Variants in AGBL3 observed in about 807,000 individuals in gnomAD.
AGBL3 encodes cytosolic carboxypeptidase 3.
AGBL3 carries 68 observed loss-of-function variants against 94.5 expected under a neutral mutation model. The observed-to-expected ratio is 0.72, with a 90% CI of 0.59 to 0.88. AGBL3 has a LOEUF of 0.88. Among genes scored for constraint, AGBL3 ranks in the 40% least tolerant of loss-of-function variants. The pLI, the probability that AGBL3 is intolerant of heterozygous loss-of-function variation, is 0.00. For synonymous variants in AGBL3, 354 were observed against 370.7 expected (o/e 0.95, Z 0.52); for missense variants, 934 against 1,103.8 (o/e 0.85, Z 2.18).
intron 4 of AGBL3, chr7:135,010,183 C>G (rs1474254905): frequency 3.0e-6 from 1 of 338,420 alleles, no homozygotes; most frequent in African/African-American, 2.3e-5. Flanking sequence ...CGCGTGCCAC[C>G]ACGCTCAGCT....
In AGBL3 at chr7:135,072,602, A is replaced by G. The variant is rs1318840468; in HGVS notation, c.1909-3795A>G. Among the ~76,000 whole-genome samples, 5 of 152,184 alleles carry G rather than the reference A, an allele frequency of 3.3e-5. No homozygotes were observed. In the East Asian group the frequency reaches 7.7e-4, roughly 23 times the overall value. Reference sequence around the variant, plus strand: ...TGCAGCCATAAAAAATGATAAGTTCATGTCCTTTGTAGGGACATGGATGAA... The same window carrying G: ...TGCAGCCATAAAAAATGATAAGTTCGTGTCCTTTGTAGGGACATGGATGAA... On this transcript the variant is annotated intron_variant, in intron 12 of 16. Coordinates refer to ENST00000436302, the MANE Select transcript of AGBL3 (RefSeq NM_178563.4).
intron 15 of AGBL3, among the ~76,000 whole-genome samples, chr7:135,094,820 G>C (rs1202969656): frequency 6.6e-6 from 1 of 152,168 alleles, no homozygotes; most frequent in Non-Finnish European, 1.5e-5. Flanking sequence ...TAAGTTGTTT[G>C]TCAGATTTTT....
rs148821705 is a variant in AGBL3, at chr7:135,109,606, C to T, written c.2111-5774C>T. On this transcript the variant is annotated intron_variant, in intron 15 of 16. Transcript: ENST00000436302. ...GTGAAACAGCAAAGATGGTGGCCCA[C>T]CCCTCCCTCTGGGAGCTCTGTCCCA... Among the ~76,000 whole-genome samples, 791 of 152,286 alleles carry T rather than the reference C, an allele frequency of 5.2e-3. 7 individuals carry two copies. Among genetic ancestry groups the T allele is most frequent in the African/African-American group, 0.017 (727 of 41,556 alleles).
chr7:135,065,275 A>G (rs1819185154), intron 12 of AGBL3, among the ~76,000 whole-genome samples: 1 of 152,234 alleles, frequency 6.6e-6, no homozygotes, highest in Non-Finnish European at 1.5e-5. Flanking sequence ...CTCTCTACAA[A>G]TTCAATGCAA....
At chr7:134,990,719 C>T (rs561744400) in intron 3 of AGBL3, among the ~76,000 whole-genome samples, 101 of 152,250 alleles carry the variant, frequency 6.6e-4, no homozygotes, top group African/African-American at 2.2e-3. Flanking sequence ...GTTATTTCTT[C>T]GCCAATAATT....
intron 15 of AGBL3, among the ~76,000 whole-genome samples, chr7:135,085,351 G>C (rs1010541334): frequency 6.6e-6 from 1 of 152,032 alleles, no homozygotes; most frequent in South Asian, 2.1e-4. Flanking sequence ...TTTTCAGTTT[G>C]ATAGAATTCC....
chr7:135,042,109 G>A (rs1456445912), intron 8 of AGBL3, among the ~76,000 whole-genome samples: 2 of 152,156 alleles, frequency 1.3e-5, no homozygotes, highest in Non-Finnish European at 2.9e-5. Flanking sequence ...ATTTTGAAAA[G>A]TAGTTTGTCA....
rs139103273 is a variant in AGBL3, at chr7:135,074,684, T to C, written c.1909-1713T>C. Among the ~76,000 whole-genome samples the C allele has an allele frequency of 2.5e-3, 388 of 152,272 alleles. 1 individual carries two copies. Among genetic ancestry groups the C allele is most frequent in the African/African-American group, 8.7e-3 (362 of 41,560 alleles). On this transcript the variant is annotated intron_variant, in intron 12 of 16. Coordinates refer to ENST00000436302, the MANE Select transcript of AGBL3 (RefSeq NM_178563.4). ...GTTAAAATACCATGCAAGTCTTTAT[T>C]TCACAAACACCTCCTCTTTCCAAGT... is the stretch of plus-strand genomic sequence containing the variant.
chr7:135,096,453 T>G (rs1000774547), intron 15 of AGBL3, among the ~76,000 whole-genome samples: 2 of 150,640 alleles, frequency 1.3e-5, no homozygotes, highest in African/African-American at 4.9e-5. Context: ...GCTATTCTTT[T>G]AATGACTCGT....
At chr7:135,062,181 TTTGA>T (rs915328898) in intron 12 of AGBL3, among the ~76,000 whole-genome samples, 7 of 152,078 alleles carry the variant, frequency 4.6e-5, no homozygotes, top group African/African-American at 9.6e-5. Flanking sequence ...TGATTTCTTT[TTTGA>T]TTTTTAGATA....
intron 4 of AGBL3, among the ~76,000 whole-genome samples, chr7:135,006,945 T>C (rs1408330316): frequency 6.6e-6 from 1 of 151,874 alleles, no homozygotes; most frequent in Non-Finnish European, 1.5e-5. Context: ...AATGGACACA[T>C]GACTGGCAAG....
At chr7:135,051,596 G>C (rs1050963762) in intron 11 of AGBL3, among the ~76,000 whole-genome samples, 1 of 151,072 alleles carries the variant, frequency 6.6e-6, no homozygotes, top group Non-Finnish European at 1.5e-5. Context: ...TTGCGTCTAG[G>C]TTTTTTTTTC....
chr7:135,080,151 CA>C, intron 13 of AGBL3, 51 bp from the exon 14 acceptor site: 1 of 1,255,180 alleles, frequency 8.0e-7, no homozygotes, highest in Admixed American at 2.0e-5. Flanking sequence ...AAATATACCC[CA>C]TTTCATGTTG....
intron 5 of AGBL3, among the ~76,000 whole-genome samples, chr7:135,026,263 T>TTTA (rs200547200): frequency 3.6e-4 from 23 of 63,660 alleles, no homozygotes; most frequent in South Asian, 4.2e-4. Context: ...TTTTATTTTA[T>TTTA]TTTATTTTAT....
chr7:135,017,040 T>A lies in AGBL3; in HGVS notation c.311-12T>A, dbSNP rs1406786226. ...AAGTCATCTTCAAATAATGTTTCAC[T>A]TTTTTTTCCAGATTGGACTCCTTCT... On this transcript the variant is annotated splice_polypyrimidine_tract_variant and intron_variant, in intron 4 of 16. Coordinates refer to ENST00000436302, the MANE Select transcript of AGBL3 (RefSeq NM_178563.4). 1 of 1,475,430 alleles carries A rather than the reference T, an allele frequency of 6.8e-7. No homozygotes were observed. Among genetic ancestry groups the A allele is most frequent in the Non-Finnish European group, 9.2e-7 (1 of 1,083,266 alleles). The allele number at this position is 1,475,430 out of a possible 1,614,324, so 91.4% of individuals were successfully genotyped here.
At chr7:135,020,550 C>T (rs962503640) in intron 5 of AGBL3, among the ~76,000 whole-genome samples, 13 of 151,996 alleles carry the variant, frequency 8.6e-5, no homozygotes, top group Non-Finnish European at 1.8e-4. Flanking sequence ...CCAGCGATCC[C>T]GTTACTGGGT....
chr7:135,077,322 T>G (rs1305710193), intron 13 of AGBL3, among the ~76,000 whole-genome samples: 1 of 152,142 alleles, frequency 6.6e-6, no homozygotes, highest in Non-Finnish European at 1.5e-5. Context: ...TTATCTTGGT[T>G]TGTAAAATGA....
chr7:135,107,481 C>T (rs1455825087), intron 15 of AGBL3, among the ~76,000 whole-genome samples: 1 of 152,176 alleles, frequency 6.6e-6, no homozygotes, highest in Non-Finnish European at 1.5e-5. Context: ...ACCCGAAAGT[C>T]ATTCAGGAGC....
At chr7:135,065,482 C>G (rs1584983804) in intron 12 of AGBL3, among the ~76,000 whole-genome samples, 3 of 152,198 alleles carry the variant, frequency 2.0e-5, no homozygotes, top group South Asian at 4.1e-4. Context: ...TGAACAGACA[C>G]ACAGCACAAT....
Sources: allele counts gnomAD v4.1 joint callset (sites outside exome capture counted in the v4.1 genomes callset), GRCh38; gene constraint gnomAD v4.1.1; transcripts MANE v1.5; gene names NCBI Gene and HGNC (gene_info 2026-07-23, HGNC 2026-07-21).